PSMB10: variants seen among roughly 807,000 people sequenced by gnomAD.
The protein encoded by PSMB10 is proteasome subunit beta type-10.
PSMB10 carries 29 observed loss-of-function variants against 29.8 expected under a neutral mutation model. That is an observed-to-expected ratio of 0.97 (90% CI 0.73 to 1.33). The LOEUF (loss-of-function observed/expected upper bound fraction) is 1.33, where lower values mean the gene tolerates loss of function less well. Among genes scored for constraint, PSMB10 ranks in the 40% most tolerant of loss-of-function variants. PSMB10 has a pLI of 0.00. For missense variants in PSMB10, 327 were observed against 369.2 expected (o/e 0.89, Z 0.94); for synonymous variants, 157 against 164.7 (o/e 0.95, Z 0.36).
chr16:67,936,734 G>A lies in PSMB10; in HGVS notation c.16C>T (p.Leu6=), dbSNP rs1227479899. 2.6e-6 allele frequency: 4 copies of A among 1,557,110 alleles called. No individual in the cohort carries two copies. Among genetic ancestry groups the A allele is most frequent in the Non-Finnish European group, 3.5e-6 (4 of 1,150,016 alleles). Residue 6 remains leucine, a synonymous_variant, in exon 1 of 8, where the codon CTG becomes TTG. Transcript: ENST00000358514. The part of the protein sequence containing the change: MLKPA[L]EPRGGFSFEN... ...AAGGAGAAGCCCCCTCGGGGCTCCA[G>A]GGCTGGCTTCAGCATCTTGGGGCAG...
chr16:67,935,631 G>T lies in PSMB10; in HGVS notation c.450C>A (p.Tyr150Ter), dbSNP rs761464535. 4 of 1,614,238 alleles carry T rather than the reference G, an allele frequency of 2.5e-6. No individual in the cohort carries two copies. The South Asian group carries it at 4.4e-5, about 18-fold the overall frequency. The change falls in exon 5 of 8, where the codon TAC (tyrosine) becomes TAA (stop). Residue 150 changes from tyrosine to a stop codon, truncating the protein, a stop_gained. Coordinates refer to ENST00000358514, the MANE Select transcript of PSMB10 (RefSeq NM_002801.4). LOFTEE classifies it high-confidence loss of function. ...GGVDLTGPQL[Y>*]GVHPHGSYSR... Reference sequence around the variant, plus strand: ...TGTAGGAGCCATGGGGATGCACACCGTAGAGCTGCGGTCCAGTCAGGTCTA... The same window carrying T: ...TGTAGGAGCCATGGGGATGCACACCTTAGAGCTGCGGTCCAGTCAGGTCTA...
In PSMB10 at chr16:67,936,573, T is replaced by C. The variant is rs1179221381; in HGVS notation, c.57-88A>G. ...AACCTGGTCCCCGTCTCCCTCATCT[T>C]CCGGGGTAAGCCTGGAACCCAAGTC... On this transcript the variant is annotated intron_variant, in intron 1 of 7. Coordinates refer to ENST00000358514, the MANE Select transcript of PSMB10 (RefSeq NM_002801.4). The C allele has an allele frequency of 2.1e-6, 3 of 1,459,482 alleles. No individual in the cohort carries two copies. In the Admixed American group the frequency reaches 6.4e-5, roughly 31 times the overall value. The allele number at this position is 1,459,482 out of a possible 1,614,324, so 90.4% of individuals were successfully genotyped here. A position where few individuals can be genotyped will look rare whatever the true frequency, so the allele number is the denominator to read the frequency against.
chr16:67,936,602 C>A (rs2058265219), intron 1 of PSMB10, 92 bp downstream of exon 1: 10 of 1,458,896 alleles, frequency 6.9e-6, no homozygotes, highest in Non-Finnish European at 9.3e-6. Flanking sequence ...CCAAGTCGAC[C>A]AACACACCCT....
chr16:67,936,369 C>T lies in PSMB10; in HGVS notation c.144+29G>A, dbSNP rs753573878. Reference sequence around the variant, plus strand: ...CCTGCTCGATACTCTCGGCTCCCCTCCAGCTCCCCGTCCCTCCCCGCTGCT... The same window carrying T: ...CCTGCTCGATACTCTCGGCTCCCCTTCAGCTCCCCGTCCCTCCCCGCTGCT... On this transcript the variant is annotated intron_variant, in intron 2 of 7. Coordinates refer to ENST00000358514, the MANE Select transcript of PSMB10 (RefSeq NM_002801.4). 23 of 1,611,394 alleles carry T rather than the reference C, an allele frequency of 1.4e-5. No homozygotes were observed. In the South Asian group the frequency reaches 2.4e-4, roughly 17 times the overall value.
chr16:67,935,722 C>T (rs747133219), intron 4 of PSMB10, 25 bp from the exon 5 acceptor site: 2 of 1,609,908 alleles, frequency 1.2e-6, no homozygotes, highest in East Asian at 2.2e-5. Context: ...GCGGGGTCGG[C>T]CACAAGCTGG....
intron 1 of PSMB10, 63 bp from the exon 2 acceptor site, chr16:67,936,548 A>T (rs2058265057): frequency 1.3e-6 from 2 of 1,495,918 alleles, no homozygotes; most frequent in African/African-American, 2.8e-5. Flanking sequence ...TGCTTCCCCT[A>T]ACCTGGTCCC....
At chr16:67,935,009 C>G in intron 6 of PSMB10, 61 bp from the exon 7 acceptor site, 1 of 1,574,010 alleles carries the variant, frequency 6.4e-7, no homozygotes, top group Non-Finnish European at 8.6e-7. Context: ...AGGCTACAGC[C>G]TGGGGACTTG....
intron 4 of PSMB10, 92 bp from the exon 5 acceptor site, chr16:67,935,789 G>A: frequency 6.7e-7 from 1 of 1,497,458 alleles, no homozygotes; most frequent in Non-Finnish European, 9.1e-7. Context: ...GCCCCTTCCT[G>A]TGGGCTGGCG....
intron 6 of PSMB10, 95 bp from the exon 7 acceptor site, chr16:67,935,043 C>T: frequency 6.7e-7 from 1 of 1,488,894 alleles, no homozygotes; most frequent in Non-Finnish European, 9.0e-7. Context: ...CCAATCTGGT[C>T]TTGCCCTCCA....
intron 1 of PSMB10, 89 bp from the exon 2 acceptor site, chr16:67,936,574 C>T: frequency 6.9e-7 from 1 of 1,454,378 alleles, no homozygotes; most frequent in Non-Finnish European, 9.3e-7. Flanking sequence ...CCCTCATCTT[C>T]CGGGGTAAGC....
Position 67,934,822 on chromosome 16 carries a change from TCA to T in PSMB10, c.683_684del (p.Leu228GlnfsTer48). On this transcript the variant is annotated frameshift_variant, in exon 7 of 8. Transcript: ENST00000358514. LOFTEE classifies it high-confidence loss of function. The surrounding 1 kb of genome is among the most constrained non-coding windows in gnomAD (Gnocchi z 4.3). ...TKTGAKLLRT[L>X]SSPTEPVKRS... is the part of the protein sequence containing the mutation. ...CTCTTCACGGGCTCTGTGGGTGAGC[TCA>T]GTGTCCGCAGCAGCTTGGCGCCAGT... 2.5e-6 allele frequency: 4 copies of T among 1,614,010 alleles called. No homozygotes were observed. The highest frequency in any genetic ancestry group is 3.4e-6 in the Non-Finnish European group (4 of 1,179,960).
chr16:67,935,786 C>T lies in PSMB10; in HGVS notation c.384-89G>A, dbSNP rs2058260911. On this transcript the variant is annotated intron_variant, in intron 4 of 7. Transcript: ENST00000358514. ...CTCCTAGGTGCTATCCCCGCCCCTT[C>T]CTGTGGGCTGGCGCCCGATGACTGA... 9 of 1,509,202 alleles carry T rather than the reference C, an allele frequency of 6.0e-6. No individual in the cohort carries two copies. In the South Asian group the frequency reaches 8.1e-5, roughly 14 times the overall value. 93.5% of individuals were successfully genotyped at this position (1,509,202 alleles called of 1,614,324 possible). A position where few individuals can be genotyped will look rare whatever the true frequency, so the allele number is the denominator to read the frequency against.
rs1363276051 is a variant in PSMB10, at chr16:67,935,666, C to G, written c.415G>C (p.Val139Leu). The stretch of plus-strand genomic sequence containing the variant: ...GGTCCAGTCAGGTCTACGCCGCCCA[C>G]GATCAGCGATGCACCCACGTGGCCC... ...YQGHVGASLIVGGVDLTGPQL... is the reference protein window; with the variant it reads ...YQGHVGASLILGGVDLTGPQL... Residue 139 changes from valine to leucine, a missense_variant, in exon 5 of 8, where the codon GTG becomes CTG. Transcript: ENST00000358514. 6.2e-7 allele frequency: 1 copy of G among 1,614,122 alleles called. No homozygotes were observed. Among genetic ancestry groups the G allele is most frequent in the Non-Finnish European group, 8.5e-7 (1 of 1,180,016 alleles).
chr16:67,935,517 C>T, intron 5 of PSMB10, 39 bp from the exon 6 acceptor site: 1 of 1,614,032 alleles, frequency 6.2e-7, no homozygotes, highest in Non-Finnish European at 8.5e-7. Context: ...ACCGCTGCGA[C>T]GCCGTTTGGA....
rs2058263319 is a variant in PSMB10, at chr16:67,936,245, T to C, written c.212A>G (p.Glu71Gly). 1 of 1,614,048 alleles carries C rather than the reference T, an allele frequency of 6.2e-7. No homozygotes were observed. The highest frequency in any genetic ancestry group is 8.5e-7 in the Non-Finnish European group (1 of 1,179,972). The change falls in exon 3 of 8, where the codon GAG (glutamate) becomes GGG (glycine). Residue 71 changes from glutamate (E) to glycine (G), a missense_variant. Transcript: ENST00000358514. ...NDSVVADKSC[E>G]KIHFIAPKIY... ...TTTGGGGGCGATGAAGTGGATCTTC[T>C]CGCAGCTCTTGTCCGCCACGACCGA...
intron 6 of PSMB10, 149 bp from the exon 7 acceptor site, chr16:67,935,097 G>T: frequency 9.5e-7 from 1 of 1,051,110 alleles, no homozygotes; most frequent in Non-Finnish European, 1.4e-6. Context: ...CCACCTCTGA[G>T]GCAACATCAC....
rs2058262245 is a variant in PSMB10, at chr16:67,936,010, C to T, written c.336G>A (p.Glu112=). ...TGCGAGTGACCGTGGCCACGCGGGG[C>T]TCGCGGCCCGTAGATAACGCGTGTA... ...MELHALSTGR[E]PRVATVTRIL... Residue 112 remains glutamate (E), a synonymous_variant, in exon 4 of 8, where the codon GAG becomes GAA. Coordinates refer to ENST00000358514, the MANE Select transcript of PSMB10 (RefSeq NM_002801.4). 6.2e-7 allele frequency: 1 copy of T among 1,612,378 alleles called. No homozygotes were observed. The highest frequency in any genetic ancestry group is 1.1e-5 in the South Asian group (1 of 91,068).
intron 4 of PSMB10, 48 bp downstream of exon 4, chr16:67,935,915 A>G: frequency 6.3e-7 from 1 of 1,585,196 alleles, no homozygotes; most frequent in African/African-American, 1.3e-5. Context: ...CAATGGCCCC[A>G]ACCCCGTAAC....
rs780977776 is a variant in PSMB10, at chr16:67,934,635, A to G, written c.747T>C (p.Ala249=). The part of the protein sequence containing the change: ...GRYHFVPGTT[A]VLTQTVKPLT... ...GTGGCTTCACTGTCTGGGTCAGGAC[A>G]GCTGTGGTTCCAGGCACAAAGTGGT... The change falls in exon 8 of 8, where the codon GCT becomes GCC. Residue 249 remains alanine (A), a synonymous_variant. Transcript: ENST00000358514. The surrounding 1 kb of genome is among the most constrained non-coding windows in gnomAD (Gnocchi z 4.3). 56 of 1,614,152 alleles carry G rather than the reference A, an allele frequency of 3.5e-5. No homozygotes were observed. The highest frequency in any genetic ancestry group is 4.7e-5 in the Non-Finnish European group (55 of 1,180,006).
Sources: allele counts gnomAD v4.1 joint callset, GRCh38; gene constraint gnomAD v4.1.1; non-coding constraint Gnocchi (gnomAD v3.1); transcripts MANE v1.5; gene names NCBI Gene and HGNC (gene_info 2026-07-23, HGNC 2026-07-21).